Variants in CNTNAP2 observed in about 807,000 individuals in gnomAD.
The protein encoded by CNTNAP2 is contactin-associated protein-like 2.
Under a neutral mutation model 155.2 loss-of-function variants are expected in CNTNAP2, and 98 were observed. That is an observed-to-expected ratio of 0.63 (90% CI 0.54 to 0.75). The LOEUF (loss-of-function observed/expected upper bound fraction) is 0.75, where lower values mean the gene tolerates loss of function less well. Ranked by LOEUF, CNTNAP2 falls within the 30% of genes least tolerant of loss-of-function variation. CNTNAP2 has a pLI of 0.00. For missense variants in CNTNAP2, 1,727 were observed against 1,688.1 expected (o/e 1.02, Z -0.40); for synonymous variants, 651 against 631.2 (o/e 1.03, Z -0.47).
chr7:146,228,659 C>T (rs924447829), intron 1 of CNTNAP2, among the ~76,000 whole-genome samples: 1 of 152,144 alleles, frequency 6.6e-6, no homozygotes, highest in Admixed American at 6.5e-5. Flanking sequence ...ATTAACTCCT[C>T]TCTTAGATAA....
chr7:147,292,059 T>C (rs1250611422), intron 8 of CNTNAP2, among the ~76,000 whole-genome samples: 1 of 152,130 alleles, frequency 6.6e-6, no homozygotes, highest in Non-Finnish European at 1.5e-5. Context: ...TTATTAACCA[T>C]GTCTGTTGAT....
intron 1 of CNTNAP2, among the ~76,000 whole-genome samples, chr7:146,331,635 C>T (rs574914123): frequency 6.6e-6 from 1 of 152,198 alleles, no homozygotes; most frequent in South Asian, 2.1e-4. Context: ...GCCTCAGAGC[C>T]AGTGTTCCAA....
At chr7:146,678,712 A>G (rs969192496) in intron 1 of CNTNAP2, among the ~76,000 whole-genome samples, 1 of 152,222 alleles carries the variant, frequency 6.6e-6, no homozygotes, top group Non-Finnish European at 1.5e-5. Flanking sequence ...TAATTAATTC[A>G]TACATTATAA....
At chr7:147,230,159 C>T (rs967371845) in intron 8 of CNTNAP2, among the ~76,000 whole-genome samples, 6 of 152,122 alleles carry the variant, frequency 3.9e-5, no homozygotes, top group Admixed American at 3.3e-4. Context: ...CTGTTATTTA[C>T]TGAGTTTGTT....
intron 10 of CNTNAP2, among the ~76,000 whole-genome samples, chr7:147,415,360 T>G (rs13223092): frequency 0.18 from 27,723 of 152,206 alleles, 3,027 homozygotes; most frequent in Non-Finnish European, 0.25. Flanking sequence ...TCATCTTGAA[T>G]TGTCATCCCC....
intron 1 of CNTNAP2, among the ~76,000 whole-genome samples, chr7:146,152,557 A>T (rs1023762959): frequency 1.3e-5 from 2 of 152,154 alleles, no homozygotes; most frequent in Non-Finnish European, 2.9e-5. Flanking sequence ...GAAGTTATCC[A>T]TATGTTACCC....
intron 1 of CNTNAP2, among the ~76,000 whole-genome samples, chr7:146,138,540 C>A (rs111529922): frequency 0.015 from 2,315 of 152,182 alleles, 52 homozygotes; most frequent in African/African-American, 0.052. Context: ...GTATTAGGGA[C>A]ATTTCATTAT....
rs191641146 is a variant in CNTNAP2 at position 147,715,471 on chromosome 7, G to A, written c.2098+76165G>A. Reference sequence around the variant, plus strand: ...GTTGTCATGGGCTAATCTGCCATCTGTATAGTCTCTTTGTATACACGTCTT... The same window carrying A: ...GTTGTCATGGGCTAATCTGCCATCTATATAGTCTCTTTGTATACACGTCTT... On this transcript the variant is annotated intron_variant, in intron 13 of 23. Transcript: ENST00000361727. Among the ~76,000 whole-genome samples the A allele has an allele frequency of 3.5e-4, 53 of 152,182 alleles. 1 individual carries two copies. The highest frequency in any genetic ancestry group is 2.6e-4 in the Admixed American group (4 of 15,282).
Position 146,761,850 on chromosome 7 carries a change from C to T in CNTNAP2, c.98-12421C>T, listed in dbSNP as rs186872833. On this transcript the variant is annotated intron_variant, in intron 1 of 23. Transcript: ENST00000361727. Reference sequence around the variant, plus strand: ...CTTCTTTATTCAATGGTAGGTCCTCCGTGTTATTGAAGACATGAGGAGAAA... The same window carrying T: ...CTTCTTTATTCAATGGTAGGTCCTCTGTGTTATTGAAGACATGAGGAGAAA... 3.1e-3 allele frequency among the ~76,000 whole-genome samples: 465 copies of T among 151,858 alleles called. 2 individuals are homozygous for T. Among genetic ancestry groups the T allele is most frequent in the African/African-American group, 0.011 (441 of 41,372 alleles).
chr7:146,990,963 G>C (rs1040073394), intron 3 of CNTNAP2, among the ~76,000 whole-genome samples: 9 of 152,144 alleles, frequency 5.9e-5, no homozygotes, highest in Admixed American at 4.6e-4. Flanking sequence ...CTAAGAATTA[G>C]TTCATATGTG....
chr7:148,215,680 C>T lies in CNTNAP2; in HGVS notation c.3011-1608C>T, dbSNP rs151198065. Among the ~76,000 whole-genome samples the T allele has an allele frequency of 3.6e-3, 554 of 152,112 alleles. 5 individuals are homozygous for T. Among genetic ancestry groups the T allele is most frequent in the African/African-American group, 0.013 (525 of 41,480 alleles). On this transcript the variant is annotated intron_variant, in intron 18 of 23. Transcript: ENST00000361727. ...ATCTTTCCTGAGCACTTATATATTC[C>T]GGGCACTAAGCTGTGTATTATATAG... is the stretch of plus-strand genomic sequence containing the variant.
At chr7:146,326,140 C>T (rs1204110554) in intron 1 of CNTNAP2, among the ~76,000 whole-genome samples, 1 of 152,102 alleles carries the variant, frequency 6.6e-6, no homozygotes, top group Non-Finnish European at 1.5e-5. Flanking sequence ...TGTTCAATTT[C>T]TCAAAATCCT....
intron 1 of CNTNAP2, among the ~76,000 whole-genome samples, chr7:146,526,892 A>G (rs1797698882): frequency 6.6e-6 from 1 of 151,706 alleles, no homozygotes; most frequent in South Asian, 2.1e-4. Context: ...TGTGACCATG[A>G]TACAGTGGAT....
At chr7:147,733,392 T>C (rs1345463322) in intron 13 of CNTNAP2, among the ~76,000 whole-genome samples, 1 of 152,210 alleles carries the variant, frequency 6.6e-6, no homozygotes, top group Non-Finnish European at 1.5e-5. Context: ...TCTGTTTTGG[T>C]ACCAGTACCA....
intron 3 of CNTNAP2, among the ~76,000 whole-genome samples, chr7:146,888,074 T>C (rs1795704269): frequency 6.6e-6 from 1 of 152,096 alleles, no homozygotes; most frequent in Admixed American, 6.6e-5. Context: ...TCCATTGACA[T>C]TAGATCATTA....
At chr7:146,332,942 T>C (rs1018337926) in intron 1 of CNTNAP2, among the ~76,000 whole-genome samples, 1 of 50,770 alleles carries the variant, frequency 2.0e-5, no homozygotes, top group African/African-American at 1.4e-4. Flanking sequence ...TCTTCTTCTA[T>C]TTTTTTTTTT....
At chr7:147,933,913 T>G (rs1800557248) in intron 14 of CNTNAP2, among the ~76,000 whole-genome samples, 1 of 152,012 alleles carries the variant, frequency 6.6e-6, no homozygotes, top group African/African-American at 2.4e-5. Flanking sequence ...TAAGTGACAA[T>G]ATAGATGAAT....
At chr7:147,076,781 T>C (rs1433393430) in intron 4 of CNTNAP2, among the ~76,000 whole-genome samples, 1 of 152,208 alleles carries the variant, frequency 6.6e-6, no homozygotes, top group Non-Finnish European at 1.5e-5. Context: ...GTTTATATTT[T>C]CTACTTTAAT....
At chr7:147,630,656 G>T (rs1584867634) in intron 12 of CNTNAP2, among the ~76,000 whole-genome samples, 2 of 152,122 alleles carry the variant, frequency 1.3e-5, no homozygotes, top group South Asian at 4.1e-4. Flanking sequence ...CAGGGATGCA[G>T]GGATGATTTA....
Sources: gnomAD v4.1 joint callset for allele counts (sites outside exome capture counted in the v4.1 genomes callset) on GRCh38, gnomAD v4.1.1 for gene constraint, MANE v1.5 for transcripts, NCBI Gene and HGNC (gene_info 2026-07-23, HGNC 2026-07-21) for gene names.